FRMD4A: variants seen among roughly 807,000 people sequenced by gnomAD.
FRMD4A encodes the protein FERM domain containing 4A.
FRMD4A carries 29 observed loss-of-function variants against 129.1 expected under a neutral mutation model. The ratio of observed to expected loss-of-function variants is 0.22; its 90% CI spans 0.17 to 0.31. The LOEUF (loss-of-function observed/expected upper bound fraction) is 0.31. Among genes scored for constraint, FRMD4A ranks in the 10% least tolerant of loss-of-function variants. FRMD4A has a pLI of 1.00. For missense variants in FRMD4A, 1,272 were observed against 1,375.8 expected (o/e 0.92, Z 1.19); for synonymous variants, 634 against 571.6 (o/e 1.11, Z -1.56).
intron 2 of FRMD4A, among the ~76,000 whole-genome samples, chr10:14,316,395 G>A (rs1463704047): frequency 4.0e-5 from 6 of 151,712 alleles, no homozygotes; most frequent in South Asian, 2.1e-4. Flanking sequence ...AGCAAGAAGG[G>A]CCTCCCCAGA....
chr10:14,051,395 C>T (rs1183866295), intron 2 of FRMD4A, among the ~76,000 whole-genome samples: 2 of 152,156 alleles, frequency 1.3e-5, no homozygotes, highest in Non-Finnish European at 2.9e-5. Flanking sequence ...CACAGCCCTG[C>T]CAGGTGTCCT....
chr10:14,251,394 C>T (rs1203467094), intron 2 of FRMD4A, among the ~76,000 whole-genome samples: 1 of 152,154 alleles, frequency 6.6e-6, no homozygotes, highest in East Asian at 1.9e-4. Flanking sequence ...GGCCTACCAA[C>T]AATGACAAGA....
chr10:14,084,094 G>A (rs923247458), intron 2 of FRMD4A, among the ~76,000 whole-genome samples: 1 of 152,200 alleles, frequency 6.6e-6, no homozygotes, highest in Non-Finnish European at 1.5e-5. Flanking sequence ...TCACAGCCCT[G>A]ACTGCTGCTT....
intron 2 of FRMD4A, among the ~76,000 whole-genome samples, chr10:14,127,163 C>T (rs7914952): frequency 0.46 from 70,010 of 151,972 alleles, 17,284 homozygotes; most frequent in African/African-American, 0.65. Flanking sequence ...GAAGTGTTAC[C>T]TGAACTGAAA....
chr10:13,728,249 C>G (rs541836123), intron 12 of FRMD4A, among the ~76,000 whole-genome samples: 2 of 152,110 alleles, frequency 1.3e-5, no homozygotes, highest in South Asian at 4.2e-4. Context: ...TGATAGCAAC[C>G]CATATTATCA....
intron 2 of FRMD4A, among the ~76,000 whole-genome samples, chr10:13,923,619 G>A (rs1005068533): frequency 2.6e-5 from 4 of 152,146 alleles, no homozygotes; most frequent in African/African-American, 9.7e-5. Flanking sequence ...TTAAAGAACA[G>A]CTATACCACA....
At chr10:13,760,530 A>T (rs77380766) in intron 8 of FRMD4A, among the ~76,000 whole-genome samples, 1 of 152,016 alleles carries the variant, frequency 6.6e-6, no homozygotes, top group Non-Finnish European at 1.5e-5. Flanking sequence ...GAAAAAAATT[A>T]AAAAATAATA....
intron 2 of FRMD4A, chr10:13,971,738 G>A (rs1479567647): frequency 6.9e-6 from 9 of 1,304,344 alleles, no homozygotes; most frequent in South Asian, 4.9e-5. Flanking sequence ...GGTCCTCAGC[G>A]CCCGACAAGT....
At chr10:14,169,594 T>C (rs1370820433) in intron 2 of FRMD4A, among the ~76,000 whole-genome samples, 1 of 152,222 alleles carries the variant, frequency 6.6e-6, no homozygotes, top group Non-Finnish European at 1.5e-5. Context: ...CCTTGTTCTT[T>C]GGTTTCTTGT....
chr10:13,899,573 C>T (rs1480930431), intron 2 of FRMD4A, among the ~76,000 whole-genome samples: 3 of 152,016 alleles, frequency 2.0e-5, no homozygotes, highest in Admixed American at 1.3e-4. Context: ...TGAGGTGGGA[C>T]GATAGCTTCA....
chr10:13,856,046 CTAT>C (rs1564919598), intron 3 of FRMD4A, among the ~76,000 whole-genome samples: 20 of 150,144 alleles, frequency 1.3e-4, no homozygotes, highest in Non-Finnish European at 2.8e-4. Flanking sequence ...ATCTATCTAT[CTAT>C]CTATCTATCT....
chr10:14,053,225 G>A (rs1488008874), intron 2 of FRMD4A, among the ~76,000 whole-genome samples: 1 of 152,182 alleles, frequency 6.6e-6, no homozygotes, highest in Non-Finnish European at 1.5e-5. Flanking sequence ...TACACCTGTT[G>A]TTTCTACAGA....
At chr10:14,121,239 G>A (rs1467618674) in intron 2 of FRMD4A, among the ~76,000 whole-genome samples, 1 of 152,148 alleles carries the variant, frequency 6.6e-6, no homozygotes, top group Non-Finnish European at 1.5e-5. Flanking sequence ...ATGGTGGCGT[G>A]CACCTGTAGT....
intron 2 of FRMD4A, among the ~76,000 whole-genome samples, chr10:14,025,791 C>T (rs540615075): frequency 6.6e-6 from 1 of 152,238 alleles, no homozygotes; most frequent in South Asian, 2.1e-4. Context: ...AGTGTTTGTC[C>T]TTTGGTGACT....
chr10:13,777,861 C>T (rs1411546109), intron 6 of FRMD4A, among the ~76,000 whole-genome samples: 6 of 133,134 alleles, frequency 4.5e-5, no homozygotes, highest in South Asian at 2.5e-4. Flanking sequence ...TGCAATGGTG[C>T]GATCTCGGCT....
At chr10:14,145,037 A>G (rs1840009032) in intron 2 of FRMD4A, among the ~76,000 whole-genome samples, 1 of 152,184 alleles carries the variant, frequency 6.6e-6, no homozygotes, top group South Asian at 2.1e-4. Context: ...AAATAAAGGA[A>G]GCCAAAGTCA....
At chr10:13,986,983 A>G (rs966800983) in intron 2 of FRMD4A, among the ~76,000 whole-genome samples, 7 of 152,074 alleles carry the variant, frequency 4.6e-5, no homozygotes, top group African/African-American at 1.7e-4. Context: ...GGGAATTTGC[A>G]TTTCAAACAG....
intron 2 of FRMD4A, among the ~76,000 whole-genome samples, chr10:14,086,579 G>C (rs1342401688): frequency 6.6e-6 from 1 of 152,150 alleles, no homozygotes; most frequent in East Asian, 1.9e-4. Context: ...CAGTGCAAAA[G>C]GTAACGGCTC....
intron 2 of FRMD4A, among the ~76,000 whole-genome samples, chr10:14,136,960 G>A (rs916266350): frequency 2.0e-5 from 3 of 152,136 alleles, no homozygotes; most frequent in African/African-American, 7.2e-5. Context: ...ACACATTTTT[G>A]TCCATGTCAT....
Sources: gnomAD v4.1 joint callset for allele counts (sites outside exome capture counted in the v4.1 genomes callset) on GRCh38, gnomAD v4.1.1 for gene constraint, MANE v1.5 for transcripts, NCBI Gene and HGNC (gene_info 2026-07-23, HGNC 2026-07-21) for gene names.